Variants in PTPRD observed in about 807,000 individuals in gnomAD.
PTPRD encodes the protein receptor-type tyrosine-protein phosphatase delta.
PTPRD carries 34 observed loss-of-function variants against 214.5 expected under a neutral mutation model. The ratio of observed to expected loss-of-function variants is 0.16; its 90% CI spans 0.12 to 0.21. The LOEUF is 0.21. Ranked by LOEUF, PTPRD falls within the 10% of genes least tolerant of loss-of-function variation. The probability of loss-of-function intolerance (pLI) is 1.00; values close to 1 mark genes in which losing one functional copy is unlikely to be tolerated. For missense variants in PTPRD, 2,545 were observed against 2,398.7 expected (o/e 1.06, Z -1.27); for synonymous variants, 1,128 against 845.7 (o/e 1.33, Z -5.79).
intron 2 of PTPRD, among the ~76,000 whole-genome samples, chr9:10,526,685 G>C (rs1190455242): frequency 1.3e-5 from 2 of 151,988 alleles, no homozygotes. Context: ...TTACATAAAA[G>C]AGTTACCCAA....
chr9:9,475,154 A>G (rs552159731), intron 8 of PTPRD, among the ~76,000 whole-genome samples: 1 of 152,332 alleles, frequency 6.6e-6, no homozygotes, highest in African/African-American at 2.4e-5. Flanking sequence ...TCTATTATAC[A>G]ATACTACTTA....
chr9:8,657,575 C>T (rs762236199), intron 12 of PTPRD, among the ~76,000 whole-genome samples: 1 of 152,078 alleles, frequency 6.6e-6, no homozygotes, highest in Non-Finnish European at 1.5e-5. Context: ...AAAATTTTCT[C>T]CCGTTCTGTA....
At chr9:9,089,178 C>G (rs1048621902) in intron 10 of PTPRD, among the ~76,000 whole-genome samples, 1 of 152,074 alleles carries the variant, frequency 6.6e-6, no homozygotes. Context: ...TGTTGAAGGA[C>G]TTGACACAGT....
At chr9:10,527,702 C>T (rs2054734677) in intron 2 of PTPRD, among the ~76,000 whole-genome samples, 1 of 152,108 alleles carries the variant, frequency 6.6e-6, no homozygotes, top group Non-Finnish European at 1.5e-5. Flanking sequence ...AGAAGATTCA[C>T]ACTGATAATT....
chr9:8,402,236 T>C (rs1216108345), intron 36 of PTPRD, among the ~76,000 whole-genome samples: 1 of 152,194 alleles, frequency 6.6e-6, no homozygotes, highest in South Asian at 2.1e-4. Context: ...TAGGGTGTAT[T>C]TGTGAACACA....
chr9:8,605,514 G>C lies in PTPRD; in HGVS notation c.352+27803C>G, dbSNP rs577955780. The stretch of plus-strand genomic sequence containing the variant: ...GAGCTTCAGTGAAGACTCCTCAGTG[G>C]TTACAGTCAGAAAACAAACATGGGT... On this transcript the variant is annotated intron_variant, in intron 14 of 45. Coordinates refer to ENST00000381196, the MANE Select transcript of PTPRD (RefSeq NM_002839.4). Among the ~76,000 whole-genome samples, 5 of 152,280 alleles carry C rather than the reference G, an allele frequency of 3.3e-5. 1 individual carries two copies. Among genetic ancestry groups the C allele is most frequent in the Admixed American group, 3.3e-4 (5 of 15,304 alleles).
chr9:8,381,223 T>C (rs1222477124), intron 37 of PTPRD, among the ~76,000 whole-genome samples: 1 of 152,168 alleles, frequency 6.6e-6, no homozygotes, highest in Non-Finnish European at 1.5e-5. Context: ...CACAGTTATT[T>C]TTGGGAGTAA....
intron 7 of PTPRD, among the ~76,000 whole-genome samples, chr9:9,646,144 C>A (rs2096155961): frequency 6.6e-6 from 1 of 152,114 alleles, no homozygotes; most frequent in Non-Finnish European, 1.5e-5. Context: ...ATTCCCTCTG[C>A]CTAAATTACA....
intron 7 of PTPRD, among the ~76,000 whole-genome samples, chr9:9,669,533 AC>A (rs1240957407): frequency 1.3e-5 from 2 of 152,212 alleles, no homozygotes; most frequent in East Asian, 3.8e-4. Flanking sequence ...GAAAATTGAT[AC>A]TTCTTATGTG....
intron 3 of PTPRD, among the ~76,000 whole-genome samples, chr9:10,164,056 T>A (rs750037062): frequency 6.6e-5 from 10 of 151,448 alleles, no homozygotes; most frequent in Non-Finnish European, 1.0e-4. Context: ...GATAGAAGAA[T>A]ATCATCACTA....
At chr9:10,001,373 TC>T (rs1194521184) in intron 4 of PTPRD, among the ~76,000 whole-genome samples, 2 of 152,142 alleles carry the variant, frequency 1.3e-5, no homozygotes, top group African/African-American at 2.4e-5. Flanking sequence ...GTCAAAAGTT[TC>T]CCAAATTTGG....
At chr9:8,877,282 G>A (rs1366087477) in intron 11 of PTPRD, among the ~76,000 whole-genome samples, 2 of 152,042 alleles carry the variant, frequency 1.3e-5, no homozygotes, top group Non-Finnish European at 2.9e-5. Context: ...CGTAATCTGG[G>A]CTTTATTCCA....
chr9:9,715,872 C>G (rs1276170638), intron 7 of PTPRD, among the ~76,000 whole-genome samples: 1 of 152,032 alleles, frequency 6.6e-6, no homozygotes, highest in African/African-American at 2.4e-5. Context: ...TATTATTATA[C>G]TTTAAGTTTT....
intron 11 of PTPRD, among the ~76,000 whole-genome samples, chr9:8,987,775 G>A (rs532759833): frequency 6.6e-6 from 1 of 152,210 alleles, no homozygotes; most frequent in African/African-American, 2.4e-5. Flanking sequence ...AAGTTGAAAG[G>A]AAGAAGATAA....
intron 3 of PTPRD, among the ~76,000 whole-genome samples, chr9:10,200,345 A>G (rs528626041): frequency 3.3e-5 from 5 of 152,230 alleles, no homozygotes; most frequent in South Asian, 2.1e-4. Flanking sequence ...AAATTTGGTA[A>G]TATGTGCAGA....
intron 10 of PTPRD, among the ~76,000 whole-genome samples, chr9:9,028,571 A>C (rs1416214552): frequency 6.6e-6 from 1 of 152,022 alleles, no homozygotes; most frequent in Non-Finnish European, 1.5e-5. Flanking sequence ...CTATTTATTT[A>C]ATCCTATAGT....
intron 7 of PTPRD, among the ~76,000 whole-genome samples, chr9:9,661,018 A>AT (rs1479066215): frequency 6.6e-6 from 1 of 151,978 alleles, no homozygotes; most frequent in Non-Finnish European, 1.5e-5. Context: ...CTAAATGTCC[A>AT]TTTTTTGTTA....
At chr9:10,075,691 G>A (rs947016888) in intron 3 of PTPRD, among the ~76,000 whole-genome samples, 3 of 151,504 alleles carry the variant, frequency 2.0e-5, no homozygotes, top group Non-Finnish European at 4.4e-5. Context: ...GGGGGAGGGG[G>A]AAAATTGGTT....
rs147553155 is a variant in PTPRD at position 8,331,587 on chromosome 9, A to T, written c.5529T>A (p.His1843Gln). 215 of 1,054,374 alleles carry T rather than the reference A, an allele frequency of 2.0e-4. No individual in the cohort carries two copies. Among genetic ancestry groups the T allele is most frequent in the Non-Finnish European group, 2.4e-4 (195 of 822,080 alleles). 65.3% of individuals were successfully genotyped at this position (1,054,374 alleles called of 1,614,324 possible). A position where few individuals can be genotyped will look rare whatever the true frequency, so the allele number is the denominator to read the frequency against. ...ATTCACAAATGGAAACTTACCTGCA[A>T]TGGACTGAAATGGGTCCATCTTGGC... ...QFGQDGPISV[H>Q]CSAGVGRTGV... Residue 1843 changes from histidine to glutamine, a missense_variant, in exon 44 of 46, where the codon CAT becomes CAA. His to Gln is a conservative substitution (Grantham distance 24, BLOSUM62 0). Coordinates refer to ENST00000381196, the MANE Select transcript of PTPRD (RefSeq NM_002839.4).
Sources: gnomAD v4.1 joint callset for allele counts (sites outside exome capture counted in the v4.1 genomes callset) on GRCh38, gnomAD v4.1.1 for gene constraint, MANE v1.5 for transcripts, NCBI Gene and HGNC (gene_info 2026-07-23, HGNC 2026-07-21) for gene names.